NCF4: variants seen among roughly 807,000 people sequenced by gnomAD.
The protein encoded by NCF4 is neutrophil cytosolic factor 4.
NCF4 carries 30 observed loss-of-function variants against 41.7 expected under a neutral mutation model. That is an observed-to-expected ratio of 0.72 (90% CI 0.54 to 0.97). The LOEUF is 0.97. Among genes scored for constraint, NCF4 ranks in the 50% least tolerant of loss-of-function variants. NCF4 has a pLI of 0.00. For synonymous variants in NCF4, 195 were observed against 175.8 expected (o/e 1.11, Z -0.87); for missense variants, 432 against 460.9 (o/e 0.94, Z 0.57).
chr22:36,869,212 G>A (rs571477693), intron 4 of NCF4, among the ~76,000 whole-genome samples: 7 of 152,298 alleles, frequency 4.6e-5, no homozygotes, highest in African/African-American at 1.7e-4. Flanking sequence ...ACTGTGCCTC[G>A]TTGTAATGAA....
Position 36,864,744 on chromosome 22 carries a change from G to A in NCF4, c.118-175G>A, listed in dbSNP as rs536377623. 4.7e-5 allele frequency among the ~76,000 whole-genome samples: 7 copies of A among 148,304 alleles called. No homozygotes were observed. In the South Asian group the frequency reaches 6.4e-4, roughly 14 times the overall value. On this transcript the variant is annotated intron_variant, in intron 2 of 9. Transcript: ENST00000248899. ...CTTTTCTTTTTTTTTCGCAAAGCTCGTCTGCTTCTGGGGCGCCAGCCTTTT... is the reference window on the plus strand; with the variant it reads ...CTTTTCTTTTTTTTTCGCAAAGCTCATCTGCTTCTGGGGCGCCAGCCTTTT...
intron 5 of NCF4, among the ~76,000 whole-genome samples, chr22:36,871,132 C>A (rs1264087021): frequency 6.6e-6 from 1 of 152,246 alleles, no homozygotes; most frequent in South Asian, 2.1e-4. Context: ...ACCAGCTCCT[C>A]CCTCTGCTTC....
intron 7 of NCF4, 52 bp from the exon 8 acceptor site, chr22:36,875,601 G>A: frequency 6.4e-7 from 1 of 1,557,478 alleles, no homozygotes; most frequent in South Asian, 1.1e-5. Flanking sequence ...CTGAGGCGTG[G>A]CTCTGCTGCC....
rs1939899586 is a variant in NCF4, at chr22:36,865,212, C to G, written c.271+140C>G. On this transcript the variant is annotated intron_variant, in intron 3 of 9. Transcript: ENST00000248899. This position sits in a 1 kb window ranked among gnomAD's most constrained non-coding sequence, Gnocchi z 4.3. ...TTATAGCCCCCACTCCCGGCAGTTA[C>G]AGGCTGCCAAGCCCTCCCTGCATGG... is the stretch of plus-strand genomic sequence containing the variant. The G allele has an allele frequency of 7.7e-6, 10 of 1,304,410 alleles. No individual in the cohort carries two copies. In the East Asian group the frequency reaches 2.5e-4, roughly 33 times the overall value. The allele number at this position is 1,304,410 out of a possible 1,614,324, so 80.8% of individuals were successfully genotyped here. A position where few individuals can be genotyped will look rare whatever the true frequency, so the allele number is the denominator to read the frequency against.
At chr22:36,869,634 C>T (rs192076728) in intron 4 of NCF4, among the ~76,000 whole-genome samples, 5 of 152,230 alleles carry the variant, frequency 3.3e-5, no homozygotes, top group East Asian at 1.9e-4. Context: ...CAGACCTGTG[C>T]GCTTGGAGTT....
rs573071179 is a variant in NCF4, at chr22:36,866,413, T to C, written c.272-979T>C. Among the ~76,000 whole-genome samples the C allele has an allele frequency of 3.3e-5, 5 of 152,296 alleles. 1 individual carries two copies. Among genetic ancestry groups the C allele is most frequent in the African/African-American group, 1.2e-4 (5 of 41,564 alleles). On this transcript the variant is annotated intron_variant, in intron 3 of 9. Coordinates refer to ENST00000248899, the MANE Select transcript of NCF4 (RefSeq NM_000631.5). ...TCTCCCAATCCCCTTCCTAGCTTACTAGAGACTCCTTCAGCTTCTCTGTTA... is the reference window on the plus strand; with the variant it reads ...TCTCCCAATCCCCTTCCTAGCTTACCAGAGACTCCTTCAGCTTCTCTGTTA...
In NCF4 at chr22:36,870,280, A is replaced by G. The variant is rs2075938; in HGVS notation, c.343-135A>G. ...GTTTTCTTATTCTTTTAAACAACGCATTTCTGTTATCAGGCATCATGCATT... is the reference window on the plus strand; with the variant it reads ...GTTTTCTTATTCTTTTAAACAACGCGTTTCTGTTATCAGGCATCATGCATT... On this transcript the variant is annotated intron_variant, in intron 4 of 9. Coordinates refer to ENST00000248899, the MANE Select transcript of NCF4 (RefSeq NM_000631.5). 882,896 of 1,263,548 alleles carry G rather than the reference A, an allele frequency of 0.7. 310,452 individuals are homozygous for G. The highest frequency in any genetic ancestry group is 0.72 in the Non-Finnish European group (628,536 of 878,922). 78.3% of individuals were successfully genotyped at this position (1,263,548 alleles called of 1,614,324 possible). A position where few individuals can be genotyped will look rare whatever the true frequency, so the allele number is the denominator to read the frequency against.
chr22:36,870,619 AGG>A, intron 5 of NCF4, 77 bp downstream of exon 5: 2 of 1,559,436 alleles, frequency 1.3e-6, no homozygotes, highest in Non-Finnish European at 1.7e-6. Context: ...TTTCCCTGAA[AGG>A]AGAGAAGGAA....
chr22:36,873,534 TG>T (rs1343183949), intron 7 of NCF4, among the ~76,000 whole-genome samples: 1 of 152,016 alleles, frequency 6.6e-6, no homozygotes, highest in Non-Finnish European at 1.5e-5. Flanking sequence ...CCAGGCAGGT[TG>T]GGGAGCCTGC....
intron 9 of NCF4, among the ~76,000 whole-genome samples, chr22:36,877,325 CAG>C (rs1171069758): frequency 6.6e-6 from 1 of 152,098 alleles, no homozygotes; most frequent in Non-Finnish European, 1.5e-5. Context: ...TTAGTAGAGA[CAG>C]GGTTTCACCA....
At chr22:36,870,906 G>A (rs1940040545) in intron 5 of NCF4, among the ~76,000 whole-genome samples, 1 of 152,208 alleles carries the variant, frequency 6.6e-6, no homozygotes, top group South Asian at 2.1e-4. Context: ...GCATCTCTGG[G>A]AATGCCTTCT....
chr22:36,866,883 C>A (rs938201601), intron 3 of NCF4, among the ~76,000 whole-genome samples: 1 of 152,142 alleles, frequency 6.6e-6, no homozygotes, highest in Non-Finnish European at 1.5e-5. Flanking sequence ...TGGTTCTTAA[C>A]TTTGGTGGTA....
rs546475819 is a variant in NCF4 at position 36,875,774 on chromosome 22, G to A, written c.749G>A (p.Ser250Asn). 4 of 1,614,118 alleles carry A rather than the reference G, an allele frequency of 2.5e-6. No individual in the cohort carries two copies. Among genetic ancestry groups the A allele is most frequent in the African/African-American group, 1.3e-5 (1 of 75,028 alleles). ...TGCTACTACTACGAAGACACCATCA[G>A]CACCATCAAGTCTGTGGCCTGGGAG... Reference protein sequence around the residue: ...LRCYYYEDTISTIKDIAVEED... With the variant: ...LRCYYYEDTINTIKDIAVEED... Residue 250 changes from serine to asparagine, a missense_variant, in exon 8 of 10, where the codon AGC (serine) becomes AAC (asparagine). Ser to Asn is a conservative substitution (Grantham distance 46). Transcript: ENST00000248899.
Position 36,865,170 on chromosome 22 carries a change from A to G in NCF4, c.271+98A>G. On this transcript the variant is annotated intron_variant, in intron 3 of 9. Coordinates refer to ENST00000248899, the MANE Select transcript of NCF4 (RefSeq NM_000631.5). This position sits in a 1 kb window ranked among gnomAD's most constrained non-coding sequence, Gnocchi z 4.3. Reference sequence around the variant, plus strand: ...CTGTGATTTGATCTCAACCCCAGTGAAAACTGTTCATGTAGTTTATAGCCC... The same window carrying G: ...CTGTGATTTGATCTCAACCCCAGTGGAAACTGTTCATGTAGTTTATAGCCC... The G allele has an allele frequency of 6.5e-7, 1 of 1,531,084 alleles. No homozygotes were observed. Among genetic ancestry groups the G allele is most frequent in the Non-Finnish European group, 8.9e-7 (1 of 1,127,672 alleles). 94.8% of individuals were successfully genotyped at this position (1,531,084 alleles called of 1,614,324 possible).
intron 7 of NCF4, among the ~76,000 whole-genome samples, chr22:36,874,106 G>A (rs4821550): frequency 0.68 from 103,813 of 152,138 alleles, 36,151 homozygotes; most frequent in Admixed American, 0.76. Flanking sequence ...CAGAGCCTGG[G>A]TGTGCGGCGC....
Position 36,861,095 on chromosome 22 carries a change from G to A in NCF4, c.-77G>A. On this transcript the variant is annotated 5_prime_UTR_variant, in exon 1 of 10. Transcript: ENST00000248899. ...GCTGAGACGAGACGCAGGGTGGCTG[G>A]AGGAAGTGAGAGGTGAACTCAGCCT... 2 of 1,534,802 alleles carry A rather than the reference G, an allele frequency of 1.3e-6. No homozygotes were observed. Among genetic ancestry groups the A allele is most frequent in the South Asian group, 2.4e-5 (2 of 83,682 alleles).
intron 6 of NCF4, 134 bp downstream of exon 6, chr22:36,871,843 G>A (rs1940064595): frequency 3.6e-6 from 4 of 1,108,552 alleles, no homozygotes; most frequent in Middle Eastern, 5.4e-4. Flanking sequence ...GAGGAAGGAA[G>A]GGGTTACAGC....
At chr22:36,870,031 C>T in intron 4 of NCF4, 1 of 343,646 alleles carries the variant, frequency 2.9e-6, no homozygotes, top group South Asian at 2.3e-5. Flanking sequence ...ATCCCTTCAC[C>T]TCTCTGATCC....
chr22:36,876,145 C>T (rs538219058), intron 9 of NCF4, 51 bp downstream of exon 9: 3 of 1,492,630 alleles, frequency 2.0e-6, no homozygotes, highest in East Asian at 2.3e-5. Flanking sequence ...GAGAAGAGAG[C>T]GCAGGGAGAA....
Sources: gnomAD v4.1 joint callset for allele counts (sites outside exome capture counted in the v4.1 genomes callset) on GRCh38, gnomAD v4.1.1 for gene constraint, Gnocchi (gnomAD v3.1) non-coding constraint, MANE v1.5 for transcripts, NCBI Gene and HGNC (gene_info 2026-07-23, HGNC 2026-07-21) for gene names.